The following ZBTB8A variants were observed in gnomAD, a reference collection of about 807,000 sequenced individuals.
ZBTB8A encodes the protein zinc finger and BTB domain-containing protein 8A.
In ZBTB8A, 19 loss-of-function variants were observed where a neutral mutation model predicts 37.8. The ratio of observed to expected loss-of-function variants is 0.50; its 90% CI spans 0.35 to 0.74. The LOEUF (loss-of-function observed/expected upper bound fraction) is 0.74, where lower values mean the gene tolerates loss of function less well. Ranked by LOEUF, ZBTB8A falls within the 30% of genes least tolerant of loss-of-function variation. The pLI, the probability that ZBTB8A is intolerant of heterozygous loss-of-function variation, is 0.01. For synonymous variants in ZBTB8A, 181 were observed against 185.2 expected (o/e 0.98, Z 0.19); for missense variants, 394 against 537.8 (o/e 0.73, Z 2.65).
At chr1:32,571,997 A>G (rs541168948) in intron 2 of ZBTB8A, among the ~76,000 whole-genome samples, 86 of 151,368 alleles carry the variant, frequency 5.7e-4, no homozygotes, top group Admixed American at 2.6e-3. Context: ...TCTGCCTCCC[A>G]GGTTCAAGTG....
At chr1:32,584,082 G>C (rs1644427723) in intron 2 of ZBTB8A, among the ~76,000 whole-genome samples, 1 of 152,018 alleles carries the variant, frequency 6.6e-6, no homozygotes, top group African/African-American at 2.4e-5. Context: ...ACTTTGTAAA[G>C]ATACAGAGAC....
intron 2 of ZBTB8A, among the ~76,000 whole-genome samples, chr1:32,580,562 AAG>A (rs1048232715): frequency 3.0e-4 from 45 of 152,174 alleles, no homozygotes; most frequent in African/African-American, 9.4e-4. Context: ...AAAAAAAAAA[AAG>A]AGAATTTTCA....
Position 32,601,961 on chromosome 1 carries a change from G to A in ZBTB8A, c.*1542G>A, listed in dbSNP as rs1644579277. 3.3e-6 allele frequency: 1 copy of A among 299,334 alleles called. No individual in the cohort carries two copies. Among genetic ancestry groups the A allele is most frequent in the Non-Finnish European group, 6.1e-6 (1 of 165,128 alleles). 18.5% of individuals were successfully genotyped at this position (299,334 alleles called of 1,614,324 possible). On this transcript the variant is annotated 3_prime_UTR_variant, in exon 5 of 5. Transcript: ENST00000373510. ...TTGAACAAATTATTCACTTAAATATGTTGAACATTTTTGCTTCTCTTGTTT... is the reference window on the plus strand; with the variant it reads ...TTGAACAAATTATTCACTTAAATATATTGAACATTTTTGCTTCTCTTGTTT...
At chr1:32,540,667 A>C (rs1469996663) in intron 1 of ZBTB8A, among the ~76,000 whole-genome samples, 2 of 152,022 alleles carry the variant, frequency 1.3e-5, no homozygotes, top group Non-Finnish European at 2.9e-5. Context: ...AAAAACCTTA[A>C]CTGATCTTTT....
Position 32,560,378 on chromosome 1 carries a change from C to A in ZBTB8A, c.-2+6838C>A, listed in dbSNP as rs188121737. Among the ~76,000 whole-genome samples the A allele has an allele frequency of 1.6e-3, 243 of 152,272 alleles. 1 individual carries two copies. The highest frequency in any genetic ancestry group is 4.9e-3 in the African/African-American group (205 of 41,556). On this transcript the variant is annotated intron_variant, in intron 2 of 4. Transcript: ENST00000373510. ...CAAGAAAGCCCTCGCCAAGTGTGGA[C>A]CCTTGACCTGGGATGTCTCAGCCTT...
intron 2 of ZBTB8A, among the ~76,000 whole-genome samples, chr1:32,568,113 C>T (rs889056027): frequency 6.6e-6 from 1 of 151,954 alleles, no homozygotes; most frequent in African/African-American, 2.4e-5. Flanking sequence ...CATGCCACTG[C>T]ACTCCAGCCT....
intron 4 of ZBTB8A, among the ~76,000 whole-genome samples, chr1:32,595,753 T>G (rs1235852450): frequency 6.6e-6 from 1 of 151,388 alleles, no homozygotes; most frequent in African/African-American, 2.4e-5. Context: ...AGGCTCAAAT[T>G]ATCCTCCCGC....
intron 2 of ZBTB8A, among the ~76,000 whole-genome samples, chr1:32,554,066 G>A (rs2148219282): frequency 6.6e-6 from 1 of 151,780 alleles, no homozygotes; most frequent in African/African-American, 2.4e-5. Context: ...CGGGCGTGGT[G>A]CTGGGCGCCT....
chr1:32,591,062 CT>C (rs568744807), intron 2 of ZBTB8A, among the ~76,000 whole-genome samples: 18,112 of 123,826 alleles, frequency 0.15, 1,097 homozygotes, highest in African/African-American at 0.23. Flanking sequence ...CCCAGCTAAA[CT>C]TTTTTTTTTT....
At chr1:32,583,228 A>G (rs1644420982) in intron 2 of ZBTB8A, among the ~76,000 whole-genome samples, 1 of 151,978 alleles carries the variant, frequency 6.6e-6, no homozygotes, top group African/African-American at 2.4e-5. Flanking sequence ...AAAATACAGA[A>G]AATTAGCCAG....
At chr1:32,578,528 T>C (rs1460181373) in intron 2 of ZBTB8A, among the ~76,000 whole-genome samples, 13 of 152,034 alleles carry the variant, frequency 8.6e-5, no homozygotes, top group Admixed American at 8.5e-4. Context: ...TTCTAGAAAT[T>C]TTATTTGACT....
At chr1:32,596,761 G>A (rs6684670) in intron 4 of ZBTB8A, among the ~76,000 whole-genome samples, 18,135 of 152,064 alleles carry the variant, frequency 0.12, 1,124 homozygotes, top group African/African-American at 0.18. Flanking sequence ...TTGAAGTGGG[G>A]TATATTCTTT....
intron 2 of ZBTB8A, among the ~76,000 whole-genome samples, chr1:32,580,852 C>A (rs1222416569): frequency 6.6e-6 from 1 of 151,518 alleles, no homozygotes; most frequent in Non-Finnish European, 1.5e-5. Flanking sequence ...CATCCCATGG[C>A]AAGGAAGCAC....
intron 2 of ZBTB8A, among the ~76,000 whole-genome samples, chr1:32,554,512 ATTTT>A (rs1553176867): frequency 1.1e-5 from 1 of 94,134 alleles, no homozygotes; most frequent in African/African-American, 4.2e-5. Context: ...TTATTTATTT[ATTTT>A]TGAGATGTAG....
In ZBTB8A at chr1:32,605,066, G is replaced by A. The variant is rs186592029; in HGVS notation, c.*4647G>A. ...CTCGGGAGGCTGAGGCAGGAGAATC[G>A]CTTGAACCCGGGAGGTGGAGGTTGC... On this transcript the variant is annotated 3_prime_UTR_variant, in exon 5 of 5. Transcript: ENST00000373510. The A allele has an allele frequency of 1.3e-3, 187 of 149,460 alleles. No individual in the cohort carries two copies. The highest frequency in any genetic ancestry group is 2.4e-3 in the Non-Finnish European group (160 of 67,794). The allele number at this position is 149,460 out of a possible 1,614,324, so 9.3% of individuals were successfully genotyped here.
intron 1 of ZBTB8A, among the ~76,000 whole-genome samples, chr1:32,542,174 G>C (rs771035986): frequency 6.6e-6 from 1 of 152,132 alleles, no homozygotes; most frequent in Non-Finnish European, 1.5e-5. Context: ...ACTCAGGAAC[G>C]TTTGCTAAGC....
At chr1:32,539,705 CCCCCAGACG>C (rs1375519121) in intron 1 of ZBTB8A, 133 bp downstream of exon 1, 6 of 146,894 alleles carry the variant, frequency 4.1e-5, no homozygotes, top group Non-Finnish European at 9.1e-5. Context: ...GGGCGCGCCT[CCCCCAGACG>C]TCCCCGGGCC....
chr1:32,583,797 G>T (rs1644425127), intron 2 of ZBTB8A, among the ~76,000 whole-genome samples: 1 of 152,040 alleles, frequency 6.6e-6, no homozygotes, highest in Admixed American at 6.6e-5. Context: ...AGGCTAGAGT[G>T]CAGTGGCGGG....
intron 2 of ZBTB8A, among the ~76,000 whole-genome samples, chr1:32,579,278 G>A (rs567273662): frequency 9.9e-5 from 15 of 151,814 alleles, no homozygotes; most frequent in African/African-American, 3.1e-4. Flanking sequence ...GTGAAACCCC[G>A]TCTCTACTAA....
Sources: gnomAD v4.1 joint callset for allele counts (sites outside exome capture counted in the v4.1 genomes callset) on GRCh38, gnomAD v4.1.1 for gene constraint, MANE v1.5 for transcripts, NCBI Gene and HGNC (gene_info 2026-07-23, HGNC 2026-07-21) for gene names.